The following EPAS1 variants were observed in gnomAD, a reference collection of about 807,000 sequenced individuals.
EPAS1 encodes endothelial PAS domain-containing protein 1.
A neutral mutation model predicts 87.9 loss-of-function variants in EPAS1; 23 were observed. That is an observed-to-expected ratio of 0.26 (90% CI 0.19 to 0.37). The LOEUF is 0.37. EPAS1 is among the 10% of genes least tolerant of loss of function. EPAS1 has a pLI of 1.00. For synonymous variants in EPAS1, 508 were observed against 444.3 expected, an observed-to-expected ratio of 1.14 and a Z score of -1.80; for missense variants, 1,138 against 1,120.7, an observed-to-expected ratio of 1.02 and a Z score of -0.22.
Position 46,297,956 on chromosome 2 carries a change from C to T in EPAS1, c.26+19C>T, listed in dbSNP as rs753502492. The T allele has an allele frequency of 1.9e-6, 3 of 1,611,636 alleles. No individual in the cohort carries two copies. The highest frequency in any genetic ancestry group is 2.5e-6 in the Non-Finnish European group (3 of 1,179,120). ...AGAAAAGGTAAGCGGGCGTCCGGGC[C>T]GATCAGGGGGCCGGTCCGAGGCCAG... On this transcript the variant is annotated intron_variant, in intron 1 of 15. Transcript: ENST00000263734.
chr2:46,356,127 T>TGGGGGGGGGGGGGC, intron 2 of EPAS1, 24 bp from the exon 3 acceptor site: 4 of 1,395,472 alleles, frequency 2.9e-6, no homozygotes, highest in Non-Finnish European at 3.9e-6. Flanking sequence ...TCATGCAAGC[T>TGGGGGGGGGGGGGC]GTCCCACCCC....
chr2:46,323,831 A>C (rs1683501544), intron 1 of EPAS1, among the ~76,000 whole-genome samples: 1 of 152,214 alleles, frequency 6.6e-6, no homozygotes, highest in African/African-American at 2.4e-5. Context: ...GCCAAAACAG[A>C]ATTTTGCAAA....
Position 46,378,743 on chromosome 2 carries a change from G to A in EPAS1, c.1530G>A (p.Glu510=). 6.2e-7 allele frequency: 1 copy of A among 1,614,180 alleles called. No individual in the cohort carries two copies. The highest frequency in any genetic ancestry group is 8.5e-7 in the Non-Finnish European group (1 of 1,180,010). ...AGAAGCTCTTCGCCATGGACACAGA[G>A]GCCAAGGACCAATGCAGTACCCAGG... ...VIEKLFAMDT[E]AKDQCSTQTD... is the part of the protein sequence containing the mutation. The change falls in exon 11 of 16, where the codon GAG becomes GAA. Residue 510 remains glutamate (E), a synonymous_variant. Transcript: ENST00000263734.
chr2:46,322,065 G>A (rs1176975538), intron 1 of EPAS1, among the ~76,000 whole-genome samples: 1 of 152,064 alleles, frequency 6.6e-6, no homozygotes, highest in Admixed American at 6.6e-5. Context: ...ATTCTTCCCT[G>A]AGAATAATTA....
intron 1 of EPAS1, 122 bp downstream of exon 1, chr2:46,298,059 G>C (rs1572608398): frequency 8.0e-7 from 1 of 1,250,714 alleles, no homozygotes; most frequent in Non-Finnish European, 1.1e-6. Flanking sequence ...CTCGAGGCTC[G>C]GTTTGGAGGG....
At chr2:46,353,867 CA>C (rs1684217591) in intron 2 of EPAS1, among the ~76,000 whole-genome samples, 1 of 152,232 alleles carries the variant, frequency 6.6e-6, no homozygotes, top group African/African-American at 2.4e-5. Context: ...CTTGTTTCAC[CA>C]TTTTAGCAGA....
chr2:46,316,958 CA>C (rs748927756), intron 1 of EPAS1, among the ~76,000 whole-genome samples: 47 of 152,314 alleles, frequency 3.1e-4, no homozygotes, highest in Non-Finnish European at 4.9e-4. Flanking sequence ...CCATCTTTAC[CA>C]GGAGCAAATT....
chr2:46,325,149 C>T (rs1191894271), intron 1 of EPAS1, among the ~76,000 whole-genome samples: 2 of 152,214 alleles, frequency 1.3e-5, no homozygotes, highest in Non-Finnish European at 2.9e-5. Context: ...AGGAAGGTTC[C>T]CTTGGGCTTG....
At chr2:46,357,259 G>T (rs902962031) in intron 4 of EPAS1, among the ~76,000 whole-genome samples, 1 of 152,218 alleles carries the variant, frequency 6.6e-6, no homozygotes, top group African/African-American at 2.4e-5. Context: ...GGTGGGTCTT[G>T]TACTCCATGT....
intron 1 of EPAS1, among the ~76,000 whole-genome samples, chr2:46,319,422 T>C (rs1273719481): frequency 1.3e-5 from 2 of 152,212 alleles, no homozygotes; most frequent in Admixed American, 6.5e-5. Context: ...TCTATATCTT[T>C]AAAAAGGCAC....
chr2:46,318,181 TACAC>T (rs59285248), intron 1 of EPAS1, among the ~76,000 whole-genome samples: 1 of 150,578 alleles, frequency 6.6e-6, no homozygotes, highest in African/African-American at 2.4e-5. Context: ...GAGAGAGAGA[TACAC>T]ACACACACAC....
intron 1 of EPAS1, among the ~76,000 whole-genome samples, chr2:46,315,269 C>T (rs7571879): frequency 0.15 from 23,174 of 151,994 alleles, 3,237 homozygotes; most frequent in African/African-American, 0.37. Context: ...CGGACTGAGC[C>T]GGAAAGCTGA....
At chr2:46,364,710 G>A (rs1252259031) in intron 6 of EPAS1, among the ~76,000 whole-genome samples, 28 of 152,250 alleles carry the variant, frequency 1.8e-4, no homozygotes, top group Admixed American at 1.8e-3. Flanking sequence ...AGGGGAGCAA[G>A]TTGAGTAGCA....
At chr2:46,348,895 G>A (rs945881485) in intron 2 of EPAS1, among the ~76,000 whole-genome samples, 4 of 152,186 alleles carry the variant, frequency 2.6e-5, no homozygotes, top group African/African-American at 9.6e-5. Flanking sequence ...CAGTCAACCT[G>A]TATATTAATT....
chr2:46,307,698 A>C (rs1428353631), intron 1 of EPAS1, among the ~76,000 whole-genome samples: 1 of 152,094 alleles, frequency 6.6e-6, no homozygotes, highest in African/African-American at 2.4e-5. Context: ...CCAGAGTTCC[A>C]TGGAAATTAG....
chr2:46,385,426 T>C lies in EPAS1; in HGVS notation c.*766T>C, dbSNP rs558961183. On this transcript the variant is annotated 3_prime_UTR_variant, in exon 16 of 16. Coordinates refer to ENST00000263734, the MANE Select transcript of EPAS1 (RefSeq NM_001430.5). ...AGTGTTTATCATATATATGGGTACT[T>C]TGTAATATCTAAAAACTTAGAAACG... The C allele has an allele frequency of 3.3e-5, 5 of 152,462 alleles. No individual in the cohort carries two copies. The highest frequency in any genetic ancestry group is 4.1e-4 in the South Asian group (2 of 4,834). 9.4% of individuals were successfully genotyped at this position (152,462 alleles called of 1,614,324 possible). A position where few individuals can be genotyped will look rare whatever the true frequency, so the allele number is the denominator to read the frequency against.
At chr2:46,305,075 T>C (rs1030450388) in intron 1 of EPAS1, among the ~76,000 whole-genome samples, 1 of 152,212 alleles carries the variant, frequency 6.6e-6, no homozygotes, top group Non-Finnish European at 1.5e-5. Flanking sequence ...TGTTGGCAAC[T>C]GTGCATCACA....
rs1322663586 is a variant in EPAS1 at position 46,360,837 on chromosome 2, C to A, written c.574-48C>A. 1 of 1,612,604 alleles carries A rather than the reference C, an allele frequency of 6.2e-7. No individual in the cohort carries two copies. Among genetic ancestry groups the A allele is most frequent in the Non-Finnish European group, 8.5e-7 (1 of 1,178,624 alleles). On this transcript the variant is annotated intron_variant, in intron 5 of 15. Transcript: ENST00000263734. The surrounding 1 kb of genome is among the most constrained non-coding windows in gnomAD (Gnocchi z 4.5). ...GGGGATGCCTAAGGCCCTACCCCCA[C>A]CCCCAGCACTCTCGGCTCCATGTCT... is the stretch of plus-strand genomic sequence containing the variant.
Position 46,346,680 on chromosome 2 carries a change from C to G in EPAS1, c.27-193C>G, listed in dbSNP as rs1209529507. On this transcript the variant is annotated intron_variant, in intron 1 of 15. Transcript: ENST00000263734. The surrounding 1 kb of genome is among the most constrained non-coding windows in gnomAD (Gnocchi z 4.0). Reference sequence around the variant, plus strand: ...AAGAGGAGGACTTTGGTTGTGAAGACACCAACACACACAAAAGCAGAGCTA... The same window carrying G: ...AAGAGGAGGACTTTGGTTGTGAAGAGACCAACACACACAAAAGCAGAGCTA... 6.6e-6 allele frequency among the ~76,000 whole-genome samples: 1 copy of G among 152,216 alleles called. No homozygotes were observed. The highest frequency in any genetic ancestry group is 2.4e-5 in the African/African-American group (1 of 41,464).
Sources: gnomAD v4.1 joint callset for allele counts (sites outside exome capture counted in the v4.1 genomes callset) on GRCh38, gnomAD v4.1.1 for gene constraint, Gnocchi (gnomAD v3.1) non-coding constraint, MANE v1.5 for transcripts, NCBI Gene and HGNC (gene_info 2026-07-23, HGNC 2026-07-21) for gene names.